NAV2: variants seen among roughly 807,000 people sequenced by gnomAD.
The protein encoded by NAV2 is neuron navigator 2.
Under a neutral mutation model 223.2 loss-of-function variants are expected in NAV2, and 54 were observed. The ratio of observed to expected loss-of-function variants is 0.24; its 90% CI spans 0.19 to 0.30. The LOEUF is 0.30. Ranked by LOEUF, NAV2 falls within the 10% of genes least tolerant of loss-of-function variation. The probability of loss-of-function intolerance (pLI) is 1.00; values close to 1 mark genes in which losing one functional copy is unlikely to be tolerated. For synonymous variants in NAV2, 1,279 were observed against 1,239.3 expected (o/e 1.03, Z -0.67); for missense variants, 2,806 against 3,147.5 (o/e 0.89, Z 2.60).
At chr11:19,752,038 T>G (rs2053866646) in intron 1 of NAV2, among the ~76,000 whole-genome samples, 1 of 152,194 alleles carries the variant, frequency 6.6e-6, no homozygotes, top group Non-Finnish European at 1.5e-5. Flanking sequence ...TCACCGTCCC[T>G]CTGAAAATAG....
intron 6 of NAV2, among the ~76,000 whole-genome samples, chr11:19,932,785 A>G (rs575867752): frequency 1.3e-5 from 2 of 152,292 alleles, no homozygotes; most frequent in South Asian, 4.1e-4. Flanking sequence ...TTGTTTGCTT[A>G]AAGTTGGATA....
At chr11:19,784,686 T>C (rs1202108630) in intron 1 of NAV2, among the ~76,000 whole-genome samples, 1 of 152,184 alleles carries the variant, frequency 6.6e-6, no homozygotes, top group Admixed American at 6.5e-5. Flanking sequence ...GATAGTATGG[T>C]GTCAGACAGA....
At chr11:19,602,012 T>C (rs1283034038) in intron 1 of NAV2, among the ~76,000 whole-genome samples, 1 of 152,164 alleles carries the variant, frequency 6.6e-6, no homozygotes, top group African/African-American at 2.4e-5. Flanking sequence ...GGTCCTGTTG[T>C]CCCAGTTTCG....
chr11:19,446,059 C>A (rs1230862414), intron 1 of NAV2, among the ~76,000 whole-genome samples: 1 of 152,144 alleles, frequency 6.6e-6, no homozygotes, highest in Non-Finnish European at 1.5e-5. Context: ...CCATGCTGTG[C>A]ATCTTCAAGA....
intron 1 of NAV2, among the ~76,000 whole-genome samples, chr11:19,353,174 C>A (rs540113499): frequency 6.6e-6 from 1 of 152,156 alleles, no homozygotes; most frequent in Non-Finnish European, 1.5e-5. Flanking sequence ...TTCATTGGCA[C>A]CAGATCCTCC....
At chr11:19,714,068 G>A (rs901411470) in intron 1 of NAV2, 106 bp downstream of exon 1, 5 of 1,444,632 alleles carry the variant, frequency 3.5e-6, no homozygotes, top group Non-Finnish European at 1.9e-6. Flanking sequence ...CTACCATGTG[G>A]CCAGGGAAGG....
At position 19,714,370 on chromosome 11, in the gene NAV2, A is replaced by G. The variant is rs1258792383; in HGVS notation, c.267+408A>G. The G allele has an allele frequency of 1.7e-5, 8 of 472,698 alleles. 1 individual carries two copies. The highest frequency in any genetic ancestry group is 1.2e-4 in the South Asian group (8 of 64,710). 29.3% of individuals were successfully genotyped at this position (472,698 alleles called of 1,614,324 possible). A position where few individuals can be genotyped will look rare whatever the true frequency, so the allele number is the denominator to read the frequency against. On this transcript the variant is annotated intron_variant, in intron 1 of 37. Coordinates refer to ENST00000349880, the MANE Select transcript of NAV2 (RefSeq NM_145117.5). Reference sequence around the variant, plus strand: ...GTTCCGCAGAGATTCTGTTCCGGACAAGGAATGATCTAAGGCCCCATTGGG... The same window carrying G: ...GTTCCGCAGAGATTCTGTTCCGGACGAGGAATGATCTAAGGCCCCATTGGG...
intron 24 of NAV2, among the ~76,000 whole-genome samples, 198 bp downstream of exon 24, chr11:20,078,302 A>G (rs527909425): frequency 6.6e-6 from 1 of 152,340 alleles, no homozygotes; most frequent in Non-Finnish European, 1.5e-5. Flanking sequence ...ATGGTAGTTC[A>G]TCTTCTTCTC....
chr11:19,345,335 C>T, the NAV2 span, among the ~76,000 whole-genome samples: 2 of 152,236 alleles, frequency 1.3e-5, no homozygotes, highest in Non-Finnish European at 2.9e-5. This position sits in a 1 kb window ranked among gnomAD's most constrained non-coding sequence, Gnocchi z 5.2. Flanking sequence ...ATGCTGCCTC[C>T]CCCAGGTCGG....
chr11:19,660,849 A>G (rs1255195151), intron 1 of NAV2, among the ~76,000 whole-genome samples: 1 of 152,198 alleles, frequency 6.6e-6, no homozygotes, highest in African/African-American at 2.4e-5. Context: ...TAGCAATCAT[A>G]ATAGCACTTT....
At chr11:20,058,685 G>T (rs2058512809) in intron 19 of NAV2, among the ~76,000 whole-genome samples, 2 of 152,310 alleles carry the variant, frequency 1.3e-5, no homozygotes, top group South Asian at 2.1e-4. Flanking sequence ...TGCTGAAGTG[G>T]TTCAAATCCT....
At chr11:19,594,584 T>C (rs2046155051) in intron 1 of NAV2, among the ~76,000 whole-genome samples, 1 of 152,256 alleles carries the variant, frequency 6.6e-6, no homozygotes, top group East Asian at 1.9e-4. Context: ...AGTGCAGGAA[T>C]TGAGTGCAAA....
In NAV2 at chr11:19,933,626, T is replaced by C; in HGVS notation, c.1382T>C (p.Ile461Thr). 4.3e-6 allele frequency: 7 copies of C among 1,614,020 alleles called. No homozygotes were observed. The highest frequency in any genetic ancestry group is 5.9e-6 in the Non-Finnish European group (7 of 1,179,986). Residue 461 changes from isoleucine to threonine, a missense_variant, in exon 7 of 38, where the codon ATT becomes ACT. By Grantham distance (89) the Ile-to-Thr change is moderately conservative (BLOSUM62 -1). Coordinates refer to ENST00000349880, the MANE Select transcript of NAV2 (RefSeq NM_145117.5). The surrounding 1 kb of genome is among the most constrained non-coding windows in gnomAD (Gnocchi z 4.3). ...TVGPASSSPK[I>T]ALKGIAQRTF... ...GGCCCTGCTTCCAGCAGCCCCAAGA[T>C]TGCACTCAAGGGCATTGCCCAGAGG... is the stretch of plus-strand genomic sequence containing the variant.
intron 1 of NAV2, among the ~76,000 whole-genome samples, chr11:19,549,445 A>G (rs1304595897): frequency 6.6e-6 from 1 of 152,188 alleles, no homozygotes; most frequent in Non-Finnish European, 1.5e-5. Flanking sequence ...TGGAAGGACA[A>G]GTATCCTCAG....
chr11:19,665,411 C>A (rs1341383829), intron 1 of NAV2, among the ~76,000 whole-genome samples: 1 of 152,164 alleles, frequency 6.6e-6, no homozygotes, highest in African/African-American at 2.4e-5. Flanking sequence ...GCCTGACATC[C>A]CTTCTGGAGC....
At position 19,984,261 on chromosome 11, in the gene NAV2, A is replaced by C; in HGVS notation, c.2768+14A>C. The C allele has an allele frequency of 6.2e-7, 1 of 1,613,810 alleles. No individual in the cohort carries two copies. Among genetic ancestry groups the C allele is most frequent in the Non-Finnish European group, 8.5e-7 (1 of 1,179,938 alleles). ...AGACGCTGACAGGTAAGCTTGCTGC[A>C]CTTGGGGCTGGTCAGATGCAGAGGT... On this transcript the variant is annotated intron_variant, in intron 11 of 37. Coordinates refer to ENST00000349880, the MANE Select transcript of NAV2 (RefSeq NM_145117.5).
chr11:19,911,462 G>A (rs1342797380), intron 6 of NAV2, among the ~76,000 whole-genome samples: 1 of 152,156 alleles, frequency 6.6e-6, no homozygotes, highest in Non-Finnish European at 1.5e-5. Context: ...AATGAAGTAG[G>A]CAAAATGACT....
At chr11:19,984,658 G>A (rs184949345) in intron 11 of NAV2, among the ~76,000 whole-genome samples, 2 of 152,304 alleles carry the variant, frequency 1.3e-5, no homozygotes, top group African/African-American at 4.8e-5. Flanking sequence ...AGCCTTGGCT[G>A]AGCAGCCTTC....
At chr11:19,526,124 C>T (rs1055235426) in intron 1 of NAV2, among the ~76,000 whole-genome samples, 2 of 152,140 alleles carry the variant, frequency 1.3e-5, no homozygotes, top group African/African-American at 4.8e-5. Flanking sequence ...GCAGACCTGT[C>T]CTTTCTGCCT....
Sources: allele counts gnomAD v4.1 joint callset (sites outside exome capture counted in the v4.1 genomes callset), GRCh38; gene constraint gnomAD v4.1.1; non-coding constraint Gnocchi (gnomAD v3.1); transcripts MANE v1.5; gene names NCBI Gene and HGNC (gene_info 2026-07-23, HGNC 2026-07-21).